Variants in MAGI2 observed in about 807,000 individuals in gnomAD.
MAGI2 encodes the protein membrane-associated guanylate kinase, WW and PDZ domain-containing protein 2.
Under a neutral mutation model 133.3 loss-of-function variants are expected in MAGI2, and 35 were observed. The observed-to-expected ratio is 0.26, with a 90% CI of 0.20 to 0.35. The LOEUF (loss-of-function observed/expected upper bound fraction) is 0.35. MAGI2 is among the 10% of genes least tolerant of loss of function. The pLI, the probability that MAGI2 is intolerant of heterozygous loss-of-function variation, is 1.00. For synonymous variants in MAGI2, 729 were observed against 710.6 expected, an observed-to-expected ratio of 1.03 and a Z score of -0.41; for missense variants, 1,636 against 1,863.4, an observed-to-expected ratio of 0.88 and a Z score of 2.25.
intron 2 of MAGI2, among the ~76,000 whole-genome samples, chr7:79,004,796 A>T (rs1807269626): frequency 6.6e-6 from 1 of 152,178 alleles, no homozygotes; most frequent in East Asian, 1.9e-4. Context: ...AGGTATACTG[A>T]GTTGGGCCGG....
At chr7:78,056,726 C>G (rs1350029249) in intron 21 of MAGI2, among the ~76,000 whole-genome samples, 1 of 152,098 alleles carries the variant, frequency 6.6e-6, no homozygotes, top group Non-Finnish European at 1.5e-5. Flanking sequence ...GGCTTAATAC[C>G]TAGGTGATGG....
chr7:79,234,015 G>T (rs1287118042), intron 1 of MAGI2, among the ~76,000 whole-genome samples: 1 of 142,222 alleles, frequency 7.0e-6, no homozygotes, highest in African/African-American at 2.6e-5. Flanking sequence ...CTCAGCATTT[G>T]CTTGTCTGTA....
chr7:79,049,294 A>T (rs558785715), intron 1 of MAGI2, among the ~76,000 whole-genome samples: 1 of 152,294 alleles, frequency 6.6e-6, no homozygotes, highest in Admixed American at 6.5e-5. Context: ...TCCCCCTGCC[A>T]TCAAAGAGCT....
chr7:79,071,100 T>C (rs1814917849), intron 1 of MAGI2, among the ~76,000 whole-genome samples: 1 of 152,222 alleles, frequency 6.6e-6, no homozygotes, highest in African/African-American at 2.4e-5. Flanking sequence ...CTTTGGTCTT[T>C]GATGTTGGTG....
intron 6 of MAGI2, among the ~76,000 whole-genome samples, chr7:78,473,026 C>T (rs1469965134): frequency 6.6e-6 from 1 of 152,058 alleles, no homozygotes. Context: ...CCTCTCAGAG[C>T]CGTGATCTCT....
chr7:79,255,244 T>C (rs532091066), intron 1 of MAGI2, among the ~76,000 whole-genome samples: 27 of 152,316 alleles, frequency 1.8e-4, no homozygotes, highest in African/African-American at 6.5e-4. Flanking sequence ...TTTTACTCAT[T>C]AGAATCCTAA....
At chr7:78,501,492 T>TC (rs1794620876) in intron 5 of MAGI2, 85 bp downstream of exon 5, 2 of 1,193,856 alleles carry the variant, frequency 1.7e-6, no homozygotes, top group Non-Finnish European at 2.4e-6. Flanking sequence ...TTCTTTTTTT[T>TC]TTTTTTTCCA....
intron 21 of MAGI2, among the ~76,000 whole-genome samples, chr7:78,055,929 A>G (rs1812520378): frequency 6.6e-6 from 1 of 152,150 alleles, no homozygotes. Flanking sequence ...CCTGTGTGGC[A>G]GTGTCTTTTT....
intron 6 of MAGI2, among the ~76,000 whole-genome samples, chr7:78,423,362 T>C (rs1219001747): frequency 2.0e-5 from 3 of 152,234 alleles, no homozygotes; most frequent in Non-Finnish European, 4.4e-5. Context: ...CCCAGCCATG[T>C]GGAACTGTAA....
At chr7:79,309,718 T>TATGATGTTTATCTAATATCTAGAAA (rs1838089710) in intron 1 of MAGI2, among the ~76,000 whole-genome samples, 1 of 151,964 alleles carries the variant, frequency 6.6e-6, no homozygotes, top group South Asian at 2.1e-4. Flanking sequence ...TTTCATCGTT[T>TATGATGTTTATCTAATATCTAGAAA]ATGATGTTTA....
At chr7:78,671,597 T>C (rs1814401900) in intron 2 of MAGI2, among the ~76,000 whole-genome samples, 1 of 152,124 alleles carries the variant, frequency 6.6e-6, no homozygotes, top group Non-Finnish European at 1.5e-5. Flanking sequence ...ATGTATAAAA[T>C]AGAAGTACCC....
At chr7:78,956,674 G>A (rs1054445811) in intron 2 of MAGI2, among the ~76,000 whole-genome samples, 1 of 152,184 alleles carries the variant, frequency 6.6e-6, no homozygotes, top group Admixed American at 6.5e-5. Flanking sequence ...GGGAACAACT[G>A]TAGCAGGGTC....
At chr7:78,430,425 C>A (rs552950081) in intron 6 of MAGI2, among the ~76,000 whole-genome samples, 5 of 151,624 alleles carry the variant, frequency 3.3e-5, no homozygotes, top group Non-Finnish European at 7.4e-5. Flanking sequence ...TGTCTGAGTG[C>A]AGTTCTAATT....
rs1039094742 is a variant in MAGI2, at chr7:78,852,016, A to C, written c.418+155074T>G. On this transcript the variant is annotated intron_variant, in intron 2 of 21. Coordinates refer to ENST00000354212, the MANE Select transcript of MAGI2 (RefSeq NM_012301.4). ...TTTACACTCTCACTAGTAGTATATG[A>C]ATGCTAATTGTTCCACATCTTGACA... Among the ~76,000 whole-genome samples the C allele has an allele frequency of 3.3e-5, 5 of 152,146 alleles. No individual in the cohort carries two copies. The South Asian group carries it at 6.2e-4, about 19-fold the overall frequency.
At chr7:79,109,742 A>G (rs1818752877) in intron 1 of MAGI2, among the ~76,000 whole-genome samples, 1 of 152,180 alleles carries the variant, frequency 6.6e-6, no homozygotes, top group African/African-American at 2.4e-5. Flanking sequence ...CCAATAGCCA[A>G]GAATATGGAA....
intron 1 of MAGI2, among the ~76,000 whole-genome samples, chr7:79,326,657 T>C (rs1839716810): frequency 4.0e-5 from 1 of 25,008 alleles, no homozygotes; most frequent in Non-Finnish European, 7.2e-5. Context: ...GTGTCAGTGA[T>C]ACATTTTTTT....
At chr7:79,138,852 A>C (rs1821849676) in intron 1 of MAGI2, among the ~76,000 whole-genome samples, 1 of 151,882 alleles carries the variant, frequency 6.6e-6, no homozygotes, top group East Asian at 1.9e-4. Context: ...AAAAATACAA[A>C]AAAATTAGCC....
intron 6 of MAGI2, among the ~76,000 whole-genome samples, chr7:78,439,532 AGG>A (rs1011407481): frequency 1.3e-5 from 2 of 152,124 alleles, no homozygotes; most frequent in Non-Finnish European, 2.9e-5. Context: ...ACCTTTGAGG[AGG>A]GGGCACAGCA....
At chr7:79,028,986 C>T (rs1810300698) in intron 1 of MAGI2, among the ~76,000 whole-genome samples, 1 of 152,030 alleles carries the variant, frequency 6.6e-6, no homozygotes, top group Non-Finnish European at 1.5e-5. Flanking sequence ...ATAAAAAACA[C>T]AAATGTTATA....
Sources: allele counts gnomAD v4.1 joint callset (sites outside exome capture counted in the v4.1 genomes callset), GRCh38; gene constraint gnomAD v4.1.1; transcripts MANE v1.5; gene names NCBI Gene and HGNC (gene_info 2026-07-23, HGNC 2026-07-21).